ACTR5: variants seen among roughly 807,000 people sequenced by gnomAD.
ACTR5 encodes the protein actin related protein 5.
In ACTR5, 43 loss-of-function variants were observed where a neutral mutation model predicts 61.2. The observed-to-expected ratio is 0.70, with a 90% CI of 0.55 to 0.91. ACTR5 has a LOEUF of 0.91. Ranked by LOEUF, ACTR5 falls within the 40% of genes least tolerant of loss-of-function variation. ACTR5 has a pLI of 0.00. For synonymous variants in ACTR5, 333 were observed against 310.5 expected, an observed-to-expected ratio of 1.07 and a Z score of -0.76; for missense variants, 798 against 782.2, an observed-to-expected ratio of 1.02 and a Z score of -0.24.
rs1052250115 is a variant in ACTR5, at chr20:38,771,546, C to A, written c.1567-13C>A. ...CCCTGGTGGAGGTGTCCTGGTGAAT[C>A]TTTGTGTTTCAGGTTCAACTTGCCT... On this transcript the variant is annotated splice_polypyrimidine_tract_variant and intron_variant, in intron 8 of 8. Transcript: ENST00000243903. 6.2e-7 allele frequency: 1 copy of A among 1,606,970 alleles called. No individual in the cohort carries two copies. Among genetic ancestry groups the A allele is most frequent in the African/African-American group, 1.3e-5 (1 of 74,906 alleles).
chr20:38,751,136 T>G (rs2084384915), intron 2 of ACTR5, among the ~76,000 whole-genome samples: 1 of 104,564 alleles, frequency 9.6e-6, no homozygotes, highest in South Asian at 2.6e-4. Context: ...GTTTCTCACA[T>G]TGGCACAAAG....
intron 2 of ACTR5, among the ~76,000 whole-genome samples, chr20:38,750,953 A>G (rs982992817): frequency 3.3e-5 from 5 of 152,148 alleles, no homozygotes; most frequent in Non-Finnish European, 5.9e-5. Context: ...TTTAATCACT[A>G]TTGTTTAGAC....
Position 38,767,480 on chromosome 20 carries a change from C to G in ACTR5, c.1450C>G (p.Gln484Glu). The G allele has an allele frequency of 6.2e-7, 1 of 1,613,812 alleles. No individual in the cohort carries two copies. Among genetic ancestry groups the G allele is most frequent in the Non-Finnish European group, 8.5e-7 (1 of 1,179,856 alleles). The part of the protein sequence containing the change: ...YILDRYPKDI[Q>E]EMLVQNVFLT... ...CTTTCCTAGGTACCCAAAGGACATT[C>G]AGGAAATGCTGGTTCAGAACGTTTT... Residue 484 changes from glutamine to glutamate, a missense_variant, in exon 8 of 9, where the codon CAG becomes GAG. Transcript: ENST00000243903.
chr20:38,755,558 C>T (rs189582991), intron 4 of ACTR5, among the ~76,000 whole-genome samples: 71 of 152,042 alleles, frequency 4.7e-4, no homozygotes, highest in African/African-American at 1.5e-3. Flanking sequence ...TTCATGTCTC[C>T]TCTTAGTAAC....
chr20:38,765,255 T>C (rs954756202), intron 5 of ACTR5, 147 bp from the exon 6 acceptor site: 2 of 635,400 alleles, frequency 3.1e-6, no homozygotes, highest in Non-Finnish European at 5.5e-6. Flanking sequence ...TGTGCTTTTT[T>C]AAAAATAGCT....
intron 1 of ACTR5, among the ~76,000 whole-genome samples, chr20:38,749,506 G>A (rs1269675899): frequency 6.6e-6 from 1 of 152,234 alleles, no homozygotes; most frequent in Non-Finnish European, 1.5e-5. Context: ...GTAGTGGAGA[G>A]GCAGATCACA....
chr20:38,760,774 T>C (rs539973094), intron 5 of ACTR5, among the ~76,000 whole-genome samples: 2 of 152,310 alleles, frequency 1.3e-5, no homozygotes, highest in East Asian at 3.9e-4. Flanking sequence ...TAGGCTGTAT[T>C]GAAAGGCAGT....
At chr20:38,759,435 TGAA>T (rs879864455) in intron 5 of ACTR5, among the ~76,000 whole-genome samples, 7 of 152,250 alleles carry the variant, frequency 4.6e-5, no homozygotes, top group Non-Finnish European at 7.3e-5. Context: ...TTCTCTGTGT[TGAA>T]ATGATCAGCT....
At chr20:38,767,642 T>C in intron 8 of ACTR5, 46 bp downstream of exon 8, 1 of 1,553,132 alleles carries the variant, frequency 6.4e-7, no homozygotes, top group Non-Finnish European at 8.7e-7. Context: ...TAGCATTACC[T>C]GTTTTCTGAT....
intron 5 of ACTR5, among the ~76,000 whole-genome samples, chr20:38,758,946 G>C (rs576849634): frequency 6.6e-6 from 1 of 152,160 alleles, no homozygotes; most frequent in Non-Finnish European, 1.5e-5. Flanking sequence ...TAGAGGTCTC[G>C]AAAATCTATT....
rs567365368 is a variant in ACTR5, at chr20:38,751,993, T to G, written c.606-138T>G. 5 of 986,040 alleles carry G rather than the reference T, an allele frequency of 5.1e-6. No homozygotes were observed. In the East Asian group the frequency reaches 1.3e-4, roughly 26 times the overall value. The allele number at this position is 986,040 out of a possible 1,614,324, so 61.1% of individuals were successfully genotyped here. ...TATACCAGGGGAACTTCAACGTCCCTTCTGACTATCAGGTTTTGTATTTCT... is the reference window on the plus strand; with the variant it reads ...TATACCAGGGGAACTTCAACGTCCCGTCTGACTATCAGGTTTTGTATTTCT... On this transcript the variant is annotated intron_variant, in intron 2 of 8. Transcript: ENST00000243903.
intron 6 of ACTR5, 39 bp from the exon 7 acceptor site, chr20:38,766,199 T>G (rs1329471115): frequency 7.0e-6 from 11 of 1,579,568 alleles, no homozygotes; most frequent in Non-Finnish European, 8.6e-6. Context: ...TGTTTGTCAT[T>G]TGGCCTAAAA....
chr20:38,759,097 G>A (rs937452076), intron 5 of ACTR5, among the ~76,000 whole-genome samples: 6 of 152,190 alleles, frequency 3.9e-5, no homozygotes, highest in African/African-American at 1.4e-4. Context: ...TACAAGCACA[G>A]CATAAGAGGG....
rs1229858467 is a variant in ACTR5 at position 38,748,946 on chromosome 20, C to T, written c.375+93C>T. 2.1e-6 allele frequency: 3 copies of T among 1,435,778 alleles called. No individual in the cohort carries two copies. In the African/African-American group the frequency reaches 4.4e-5, roughly 21 times the overall value. 88.9% of individuals were successfully genotyped at this position (1,435,778 alleles called of 1,614,324 possible). On this transcript the variant is annotated intron_variant, in intron 1 of 8. Coordinates refer to ENST00000243903, the MANE Select transcript of ACTR5 (RefSeq NM_024855.4). The stretch of plus-strand genomic sequence containing the variant: ...TCTGCTCTCGGAGAGGTAACAGTCA[C>T]TTCAGTAGCTCCGATTGTCTTTTAG...
intron 4 of ACTR5, 64 bp from the exon 5 acceptor site, chr20:38,755,793 T>G: frequency 6.3e-7 from 1 of 1,591,866 alleles, no homozygotes; most frequent in African/African-American, 1.3e-5. Context: ...CCTCTCCAGC[T>G]GTCGTTTTCT....
intron 1 of ACTR5, 103 bp from the exon 2 acceptor site, chr20:38,749,907 C>T: frequency 1.0e-6 from 1 of 995,356 alleles, no homozygotes; most frequent in Non-Finnish European, 1.5e-6. Context: ...GATTAAGAAG[C>T]CAAAAGCAAA....
chr20:38,767,656 A>G (rs752980824), intron 8 of ACTR5, 60 bp downstream of exon 8: 95 of 1,532,478 alleles, frequency 6.2e-5, no homozygotes, highest in Non-Finnish European at 8.0e-5. Flanking sequence ...TTCTGATTGC[A>G]AAAGTAATAA....
intron 5 of ACTR5, chr20:38,761,751 A>G (rs999225584): frequency 6.5e-6 from 1 of 154,024 alleles, no homozygotes; most frequent in Non-Finnish European, 1.5e-5. Context: ...TAGAACCTCC[A>G]AACAAGCGCT....
At chr20:38,763,555 T>C (rs904306783) in intron 5 of ACTR5, among the ~76,000 whole-genome samples, 2 of 152,242 alleles carry the variant, frequency 1.3e-5, no homozygotes, top group Non-Finnish European at 2.9e-5. Context: ...AATTGTCTTA[T>C]CCTTAGCCTC....
Sources: gnomAD v4.1 joint callset for allele counts (sites outside exome capture counted in the v4.1 genomes callset) on GRCh38, gnomAD v4.1.1 for gene constraint, MANE v1.5 for transcripts, NCBI Gene and HGNC (gene_info 2026-07-23, HGNC 2026-07-21) for gene names.